MAP4: variants seen among roughly 807,000 people sequenced by gnomAD.
MAP4 encodes the protein microtubule associated protein 4, also known as microtubule-associated protein 4.
A neutral mutation model predicts 170.2 loss-of-function variants in MAP4; 76 were observed. The observed-to-expected ratio is 0.45, with a 90% confidence interval of 0.37 to 0.54. The LOEUF (loss-of-function observed/expected upper bound fraction) is 0.54. Among genes scored for constraint, MAP4 ranks in the 20% least tolerant of loss-of-function variants. The pLI is 0.00. For missense variants in MAP4, 2,506 were observed against 2,748.0 expected (o/e 0.91, Z 1.97); for synonymous variants, 909 against 994.5 (o/e 0.91, Z 1.62).
In MAP4 at chr3:47,911,125, A is replaced by G. The variant is rs1318861680; in HGVS notation, c.3296T>C (p.Ile1099Thr). The G allele has an allele frequency of 6.5e-7, 1 of 1,536,118 alleles. No homozygotes were observed. Among genetic ancestry groups the G allele is most frequent in the South Asian group, 1.2e-5 (1 of 84,064 alleles). The change falls in exon 9 of 21, where the codon ATA becomes ACA. Residue 1099 changes from isoleucine to threonine, a missense_variant. Ile to Thr is a moderately conservative substitution (Grantham distance 89, BLOSUM62 -1). This residue lies in a region of MAP4 where 2,008 missense variants were observed against 2,206.0 expected (regional missense o/e 0.91). Coordinates refer to ENST00000683076, the MANE Select transcript of MAP4 (RefSeq NM_001385682.1). The surrounding 1 kb of genome is among the most constrained non-coding windows in gnomAD (Gnocchi z 4.0). ...DSQKDGRAVL[I>T]PSEPVSKTEG... Reference sequence around the variant, plus strand: ...AGTTTTAGAGACTGGCTCACTCGGTATGAGAACAGCCCTTCCGTCCTTCTG... The same window carrying G: ...AGTTTTAGAGACTGGCTCACTCGGTGTGAGAACAGCCCTTCCGTCCTTCTG...
intron 1 of MAP4, among the ~76,000 whole-genome samples, chr3:48,025,247 C>A (rs192645629): frequency 5.3e-5 from 8 of 150,896 alleles, no homozygotes; most frequent in Non-Finnish European, 1.0e-4. Flanking sequence ...ACAAGCACTG[C>A]ATTTTTAGAA....
intron 1 of MAP4, among the ~76,000 whole-genome samples, chr3:48,055,200 G>GTCTCCCTCTCCC (rs2100130257): frequency 4.2e-5 from 3 of 70,982 alleles, no homozygotes. Flanking sequence ...CTCCCTCTCC[G>GTCTCCCTCTCCC]TCTCCGTCTC....
intron 1 of MAP4, among the ~76,000 whole-genome samples, chr3:48,067,632 CTTT>C (rs71070248): frequency 5.4e-4 from 76 of 139,724 alleles, no homozygotes; most frequent in Middle Eastern, 3.6e-3. Context: ...CAAGAGAAAC[CTTT>C]TTTTTTTTTT....
At chr3:48,025,185 A>G (rs769123645) in intron 1 of MAP4, among the ~76,000 whole-genome samples, 2 of 152,088 alleles carry the variant, frequency 1.3e-5, no homozygotes, top group Non-Finnish European at 2.9e-5. Flanking sequence ...ATATCTGAAC[A>G]TTTATTTACT....
At chr3:48,036,761 C>T (rs548467171) in intron 1 of MAP4, among the ~76,000 whole-genome samples, 48 of 152,226 alleles carry the variant, frequency 3.2e-4, no homozygotes, top group African/African-American at 1.1e-3. Context: ...TGAGTGAAGG[C>T]GGCTGATGTA....
intron 2 of MAP4, among the ~76,000 whole-genome samples, chr3:47,981,321 A>G (rs2100085308): frequency 6.6e-6 from 1 of 152,136 alleles, no homozygotes; most frequent in Non-Finnish European, 1.5e-5. Context: ...TAGGGAGGCT[A>G]AGGCAGAGGG....
At chr3:47,991,194 T>G (rs1005536194) in intron 2 of MAP4, among the ~76,000 whole-genome samples, 1 of 152,224 alleles carries the variant, frequency 6.6e-6, no homozygotes, top group African/African-American at 2.4e-5. Flanking sequence ...GCTTTCTTAC[T>G]TCTCATTTTA....
Position 47,916,070 on chromosome 3 carries a change from G to C in MAP4, c.1757C>G (p.Pro586Arg). The C allele has an allele frequency of 6.2e-7, 1 of 1,614,186 alleles. No individual in the cohort carries two copies. The highest frequency in any genetic ancestry group is 1.1e-5 in the South Asian group (1 of 91,070). Residue 586 changes from proline to arginine, a missense_variant, in exon 7 of 21, where the codon CCA (proline) becomes CGA (arginine). Pro to Arg is a moderately radical substitution (Grantham distance 103). Transcript: ENST00000683076. ...VPPLSETEAT[P>R]VPIKDMEIAQ... ...AATTTCCATGTCTTTAATTGGAACT[G>C]GTGTTGCCTCTGTTTCTGAGAGTGG...
chr3:47,853,018 C>A, intron 20 of MAP4, 80 bp from the exon 21 acceptor site: 1 of 1,614,192 alleles, frequency 6.2e-7, no homozygotes, highest in East Asian at 2.2e-5. Flanking sequence ...GAAGACGAGA[C>A]CAGAATGTCA....
intron 11 of MAP4, among the ~76,000 whole-genome samples, chr3:47,876,132 C>CTTTTTTTTT (rs756229459): frequency 7.1e-6 from 1 of 140,568 alleles, no homozygotes; most frequent in Non-Finnish European, 1.5e-5. Context: ...TTTTCTTTTT[C>CTTTTTTTTT]TTTCTTTTTT....
chr3:47,916,112 G>A lies in MAP4; in HGVS notation c.1715C>T (p.Pro572Leu). 3 of 1,614,214 alleles carry A rather than the reference G, an allele frequency of 1.9e-6. No homozygotes were observed. The highest frequency in any genetic ancestry group is 2.5e-6 in the Non-Finnish European group (3 of 1,180,036). Reference sequence around the variant, plus strand: ...TGAGAGTGGTGGAACATCTTTGGCTGGAGTCACATTGTTGGCCAGGGTCAG... The same window carrying A: ...TGAGAGTGGTGGAACATCTTTGGCTAGAGTCACATTGTTGGCCAGGGTCAG... ...GVLTLANNVTPAKDVPPLSET... is the reference protein window; with the variant it reads ...GVLTLANNVTLAKDVPPLSET... Residue 572 changes from proline to leucine, a missense_variant, in exon 7 of 21, where the codon CCA becomes CTA. Physicochemically the swap from Pro to Leu is moderately conservative, Grantham distance 98. This residue lies in a region of MAP4 where 2,008 missense variants were observed against 2,206.0 expected (regional missense o/e 0.91). Transcript: ENST00000683076.
intron 4 of MAP4, among the ~76,000 whole-genome samples, chr3:47,927,332 T>C (rs1267538433): frequency 1.3e-5 from 2 of 152,086 alleles, no homozygotes; most frequent in East Asian, 1.9e-4. Context: ...AAAGAAGCCA[T>C]ATTTAAGTGG....
intron 2 of MAP4, among the ~76,000 whole-genome samples, chr3:47,995,713 C>G (rs1373721630): frequency 6.6e-6 from 1 of 152,034 alleles, no homozygotes; most frequent in Non-Finnish European, 1.5e-5. Flanking sequence ...CACTCCCACC[C>G]TAACAACAAG....
intron 3 of MAP4, among the ~76,000 whole-genome samples, chr3:47,951,922 C>T (rs1476867257): frequency 2.6e-5 from 4 of 151,352 alleles, no homozygotes; most frequent in Non-Finnish European, 4.4e-5. Flanking sequence ...TCTTCCCGGC[C>T]GCCATCCCAA....
At chr3:48,053,878 T>C (rs1054253255) in intron 1 of MAP4, among the ~76,000 whole-genome samples, 5 of 152,182 alleles carry the variant, frequency 3.3e-5, no homozygotes, top group African/African-American at 9.7e-5. Flanking sequence ...ACAAGAAAAA[T>C]ATGTATATAT....
At chr3:48,068,264 CAAAAAAAAA>C (rs34691079) in intron 1 of MAP4, among the ~76,000 whole-genome samples, 1 of 106,728 alleles carries the variant, frequency 9.4e-6, no homozygotes, top group Non-Finnish European at 1.9e-5. Context: ...GATTCTGTCT[CAAAAAAAAA>C]AAAAAAAAAA....
At chr3:47,920,841 T>C (rs969272771) in intron 5 of MAP4, among the ~76,000 whole-genome samples, 7 of 152,200 alleles carry the variant, frequency 4.6e-5, no homozygotes, top group Non-Finnish European at 1.0e-4. Context: ...CATGAGCCAC[T>C]GTGTCTGCCT....
intron 10 of MAP4, 50 bp from the exon 11 acceptor site, chr3:47,877,573 C>T: frequency 1.6e-6 from 2 of 1,280,222 alleles, no homozygotes; most frequent in Non-Finnish European, 2.2e-6. Flanking sequence ...ATTTTACATG[C>T]CCATTTTGAA....
intron 2 of MAP4, among the ~76,000 whole-genome samples, chr3:47,982,708 G>C (rs774999712): frequency 5.9e-5 from 9 of 151,896 alleles, no homozygotes; most frequent in Non-Finnish European, 1.3e-4. Context: ...CTGACAGAAA[G>C]TTTTCTAAGA....
Sources: gnomAD v4.1 joint callset for allele counts (sites outside exome capture counted in the v4.1 genomes callset) on GRCh38, gnomAD v4.1.1 for gene constraint, gnomAD v4.1.1 regional missense constraint, Gnocchi (gnomAD v3.1) non-coding constraint, MANE v1.5 for transcripts, NCBI Gene and HGNC (gene_info 2026-07-23, HGNC 2026-07-21) for gene names.